The following RTN1 variants were observed in gnomAD, a reference collection of about 807,000 sequenced individuals.
RTN1 encodes the protein reticulon 1.
A neutral mutation model predicts 65.5 loss-of-function variants in RTN1; 25 were observed. That is an observed-to-expected ratio of 0.38 (90% CI 0.28 to 0.53). The LOEUF is 0.53. Among genes scored for constraint, RTN1 ranks in the 20% least tolerant of loss-of-function variants. RTN1 has a pLI of 0.79. For missense variants in RTN1, 983 were observed against 1,025.4 expected (o/e 0.96, Z 0.57); for synonymous variants, 471 against 447.6 (o/e 1.05, Z -0.66).
At chr14:59,740,382 T>C (rs1464305095) in intron 2 of RTN1, among the ~76,000 whole-genome samples, 2 of 152,178 alleles carry the variant, frequency 1.3e-5, no homozygotes, top group Non-Finnish European at 2.9e-5. Context: ...CCAGTTAGGG[T>C]TGGCAGATTT....
intron 3 of RTN1, among the ~76,000 whole-genome samples, chr14:59,687,437 G>T (rs1222155524): frequency 6.6e-6 from 1 of 151,616 alleles, no homozygotes; most frequent in Non-Finnish European, 1.5e-5. Flanking sequence ...GGCCCTCTCT[G>T]CTCTACATGT....
Position 59,790,031 on chromosome 14 carries a change from G to C in RTN1, c.242-43550C>G, listed in dbSNP as rs574781524. Among the ~76,000 whole-genome samples the C allele has an allele frequency of 4.0e-4, 61 of 152,162 alleles. No individual in the cohort carries two copies. Among genetic ancestry groups the C allele is most frequent in the African/African-American group, 1.4e-3 (57 of 41,540 alleles). On this transcript the variant is annotated intron_variant, in intron 1 of 8. Coordinates refer to ENST00000267484, the MANE Select transcript of RTN1 (RefSeq NM_021136.3). This position sits in a 1 kb window ranked among gnomAD's most constrained non-coding sequence, Gnocchi z 4.1. ...TGAGATAAAAAAGGGAAATGCCCGA[G>C]CTAAAGCAATGAATCAAGGGCCAAA...
intron 3 of RTN1, among the ~76,000 whole-genome samples, chr14:59,654,432 GA>G (rs1555353831): frequency 2.5e-3 from 274 of 108,774 alleles, no homozygotes; most frequent in African/African-American, 5.0e-3. Flanking sequence ...CTGTCTCTGT[GA>G]AAAAAAAAAA....
In RTN1 at chr14:59,727,000, G is replaced by T. The variant is rs1452156694; in HGVS notation, c.1684C>A (p.Gln562Lys). Reference protein sequence around the residue: ...RKPEEDSSSNQSPAATKGPGP... With the variant: ...RKPEEDSSSNKSPAATKGPGP... ...GGGCCCTTTGTGGCCGCAGGACTTT[G>T]GTTGGAACTCGAGTCTTCTTCAGGC... The change falls in exon 3 of 9, where the codon CAA becomes AAA. Residue 562 changes from glutamine to lysine, a missense_variant. By Grantham distance (53) the Gln-to-Lys change is moderately conservative (BLOSUM62 1). This residue lies in a region of RTN1 where 818 missense variants were observed against 801.8 expected (regional missense o/e 1.02). Coordinates refer to ENST00000267484, the MANE Select transcript of RTN1 (RefSeq NM_021136.3). 6.2e-7 allele frequency: 1 copy of T among 1,613,508 alleles called. No homozygotes were observed. The highest frequency in any genetic ancestry group is 1.1e-5 in the South Asian group (1 of 90,948).
At chr14:59,821,969 G>A (rs1292918628) in intron 1 of RTN1, among the ~76,000 whole-genome samples, 4 of 152,082 alleles carry the variant, frequency 2.6e-5, no homozygotes, top group Non-Finnish European at 5.9e-5. Context: ...TTGGCCTGAG[G>A]TTTTCTTTAT....
chr14:59,865,982 T>C (rs370878106), intron 1 of RTN1, among the ~76,000 whole-genome samples: 31 of 152,304 alleles, frequency 2.0e-4, no homozygotes, highest in African/African-American at 7.2e-4. Context: ...TTTCACAGTC[T>C]GAGCAAGCTG....
rs573408081 is a variant in RTN1, at chr14:59,715,377, C to T, written c.1765+11542G>A. 2.6e-5 allele frequency among the ~76,000 whole-genome samples: 4 copies of T among 152,242 alleles called. No individual in the cohort carries two copies. In the East Asian group the frequency reaches 7.7e-4, roughly 29 times the overall value. ...AGTGGGCCCTGAGGAAAAGATGTCT[C>T]CATAAGAACTAAAATGTAAATCATA... On this transcript the variant is annotated intron_variant, in intron 3 of 8. Transcript: ENST00000267484.
intron 3 of RTN1, among the ~76,000 whole-genome samples, chr14:59,704,557 A>G (rs1884251060): frequency 6.6e-6 from 1 of 152,194 alleles, no homozygotes; most frequent in South Asian, 2.1e-4. Flanking sequence ...ACTAGTCCAC[A>G]TTTCCATTGA....
intron 3 of RTN1, among the ~76,000 whole-genome samples, chr14:59,689,199 CA>C (rs1324165905): frequency 1.3e-5 from 2 of 151,898 alleles, no homozygotes; most frequent in African/African-American, 4.8e-5. Flanking sequence ...CCAGACCAAG[CA>C]GAAGAAAGAA....
intron 3 of RTN1, among the ~76,000 whole-genome samples, chr14:59,646,103 C>G (rs547330473): frequency 1.1e-4 from 17 of 152,116 alleles, no homozygotes; most frequent in Admixed American, 6.5e-4. Context: ...GATAAAATAG[C>G]CAGTATAAAA....
At chr14:59,739,724 G>A (rs1165793859) in intron 2 of RTN1, among the ~76,000 whole-genome samples, 1 of 152,112 alleles carries the variant, frequency 6.6e-6, no homozygotes, top group African/African-American at 2.4e-5. Flanking sequence ...TGTGGTGAGT[G>A]AGAAAAAGAG....
chr14:59,819,407 CACCA>C (rs1566737401), intron 1 of RTN1, among the ~76,000 whole-genome samples: 16 of 17,382 alleles, frequency 9.2e-4, no homozygotes, highest in African/African-American at 2.1e-3. Context: ...GCATCCACAC[CACCA>C]CCACCCCCCC....
At chr14:59,624,522 C>T (rs947524834) in intron 3 of RTN1, among the ~76,000 whole-genome samples, 1 of 150,882 alleles carries the variant, frequency 6.6e-6, no homozygotes, top group African/African-American at 2.4e-5. Context: ...AGTGCAATGG[C>T]GTGATCTCAG....
chr14:59,796,014 A>T (rs1332333618), intron 1 of RTN1, among the ~76,000 whole-genome samples: 2 of 152,178 alleles, frequency 1.3e-5, no homozygotes, highest in East Asian at 3.8e-4. Flanking sequence ...GATAAAAAAG[A>T]ATGAGGTAAG....
At chr14:59,750,079 T>TTATATG (rs1885418404) in intron 1 of RTN1, among the ~76,000 whole-genome samples, 1 of 72,474 alleles carries the variant, frequency 1.4e-5, no homozygotes, top group East Asian at 3.2e-4. Flanking sequence ...ATATTATATA[T>TTATATG]TATAGACATA....
chr14:59,746,074 C>A lies in RTN1; in HGVS notation c.649G>T (p.Asp217Tyr), dbSNP rs867411364. 1.9e-6 allele frequency: 3 copies of A among 1,613,996 alleles called. No individual in the cohort carries two copies. The highest frequency in any genetic ancestry group is 2.7e-5 in the African/African-American group (2 of 74,902). The change falls in exon 2 of 9, where the codon GAT becomes TAT. Residue 217 changes from aspartate to tyrosine, a missense_variant. By Grantham distance (160) the Asp-to-Tyr change is radical. This residue lies in a region of RTN1 where 818 missense variants were observed against 801.8 expected (regional missense o/e 1.02). Coordinates refer to ENST00000267484, the MANE Select transcript of RTN1 (RefSeq NM_021136.3). ...HQEQHHPELE[D>Y]KDLDFKNKDT... The stretch of plus-strand genomic sequence containing the variant: ...TTATTCTTAAAGTCCAAGTCTTTAT[C>A]TTCCAGCTCGGGGTGATGTTGTTCT...
chr14:59,865,855 T>C (rs929021382), intron 1 of RTN1, among the ~76,000 whole-genome samples: 21 of 152,310 alleles, frequency 1.4e-4, no homozygotes, highest in Admixed American at 2.0e-4. Flanking sequence ...TCCAAAGATC[T>C]TGATGTAACA....
In RTN1 at chr14:59,766,011, C is replaced by T. The variant is rs1296301580; in HGVS notation, c.242-19530G>A. ...TTGGGAGGCCTAGGCGGGTGGATCACCTGAGGTCAGGGGTTCAAGATCAGC... is the reference window on the plus strand; with the variant it reads ...TTGGGAGGCCTAGGCGGGTGGATCATCTGAGGTCAGGGGTTCAAGATCAGC... On this transcript the variant is annotated intron_variant, in intron 1 of 8. Coordinates refer to ENST00000267484, the MANE Select transcript of RTN1 (RefSeq NM_021136.3). This position sits in a 1 kb window ranked among gnomAD's most constrained non-coding sequence, Gnocchi z 4.4. Among the ~76,000 whole-genome samples the T allele has an allele frequency of 6.6e-6, 1 of 152,178 alleles. No individual in the cohort carries two copies. Among genetic ancestry groups the T allele is most frequent in the Non-Finnish European group, 1.5e-5 (1 of 68,044 alleles).
At chr14:59,771,617 C>A (rs1358623521) in intron 1 of RTN1, among the ~76,000 whole-genome samples, 1 of 152,172 alleles carries the variant, frequency 6.6e-6, no homozygotes, top group African/African-American at 2.4e-5. Context: ...GAAAATACTT[C>A]ATAATAAATG....
Sources: gnomAD v4.1 joint callset for allele counts (sites outside exome capture counted in the v4.1 genomes callset) on GRCh38, gnomAD v4.1.1 for gene constraint, gnomAD v4.1.1 regional missense constraint, Gnocchi (gnomAD v3.1) non-coding constraint, MANE v1.5 for transcripts, NCBI Gene and HGNC (gene_info 2026-07-23, HGNC 2026-07-21) for gene names.